WDR1: variants seen among roughly 807,000 people sequenced by gnomAD.
WDR1 encodes the protein WD repeat domain 1.
In WDR1, 21 loss-of-function variants were observed where a neutral mutation model predicts 71.9. That is an observed-to-expected ratio of 0.29 (90% confidence interval 0.21 to 0.42). The LOEUF (loss-of-function observed/expected upper bound fraction) is 0.42, where lower values mean the gene tolerates loss of function less well. Ranked by LOEUF, WDR1 falls within the 10% of genes least tolerant of loss-of-function variation. The probability of loss-of-function intolerance (pLI) is 1.00; values close to 1 mark genes in which losing one functional copy is unlikely to be tolerated. For synonymous variants in WDR1, 424 were observed against 347.4 expected (o/e 1.22, Z -2.45); for missense variants, 696 against 824.5 (o/e 0.84, Z 1.91).
At chr4:10,079,911 C>T (rs577873074) in intron 11 of WDR1, among the ~76,000 whole-genome samples, 8 of 152,328 alleles carry the variant, frequency 5.3e-5, no homozygotes, top group South Asian at 4.1e-4. Context: ...AAGCTTCGTC[C>T]GACATGAGAC....
At chr4:10,101,257 C>A (rs1403216719) in intron 3 of WDR1, among the ~76,000 whole-genome samples, 3 of 152,252 alleles carry the variant, frequency 2.0e-5, no homozygotes, top group Non-Finnish European at 4.4e-5. Context: ...AGGTGCGCAG[C>A]CCTTCCCAAG....
At position 10,112,894 on chromosome 4, in the gene WDR1, C is replaced by T. The variant is rs187156047; in HGVS notation, c.138+3219G>A. ...GCCCTGCTGGCCTGGAGCTGATGCC[C>T]AGTTAGGGGGACAGGCAGATACCTA... is the stretch of plus-strand genomic sequence containing the variant. On this transcript the variant is annotated intron_variant, in intron 2 of 14. Transcript: ENST00000499869. Among the ~76,000 whole-genome samples, 39 of 152,348 alleles carry T rather than the reference C, an allele frequency of 2.6e-4. 1 individual carries two copies. The highest frequency in any genetic ancestry group is 2.4e-3 in the Admixed American group (36 of 15,302).
At position 10,092,830 on chromosome 4, in the gene WDR1, C is replaced by A; in HGVS notation, c.559-4089G>T. 3 of 362,260 alleles carry A rather than the reference C, an allele frequency of 8.3e-6. No individual in the cohort carries two copies. The Admixed American group carries it at 9.8e-5, about 12-fold the overall frequency. 22.4% of individuals were successfully genotyped at this position (362,260 alleles called of 1,614,324 possible). ...AGGGGCAGCAGCTTCCTGAGGCTGC[C>A]CTCACCGGCCCCCTGCCTCTGCCCC... is the stretch of plus-strand genomic sequence containing the variant. On this transcript the variant is annotated intron_variant, in intron 5 of 14. Transcript: ENST00000499869.
intron 14 of WDR1, 84 bp downstream of exon 14, chr4:10,077,220 T>G: frequency 6.4e-7 from 1 of 1,556,528 alleles, no homozygotes; most frequent in Non-Finnish European, 8.7e-7. Flanking sequence ...CCCTGGGGAC[T>G]GAAGCCAGGG....
intron 14 of WDR1, chr4:10,077,058 A>G (rs896831635): frequency 1.8e-5 from 9 of 507,714 alleles, no homozygotes; most frequent in Non-Finnish European, 2.8e-5. Flanking sequence ...GAAGATGTCA[A>G]AAGTGAGGCC....
chr4:10,109,440 T>C (rs1363168403), intron 2 of WDR1, among the ~76,000 whole-genome samples: 1 of 152,246 alleles, frequency 6.6e-6, no homozygotes, highest in Non-Finnish European at 1.5e-5. Context: ...GTTAGTGTGA[T>C]TCTTTAATAC....
In WDR1 at chr4:10,113,129, C is replaced by T. The variant is rs760647180; in HGVS notation, c.138+2984G>A. Reference sequence around the variant, plus strand: ...CAGGACTTTGGGAGGCCAAGGCGAGCGAGCAGATCACTTGAGGTTGGGAGT... The same window carrying T: ...CAGGACTTTGGGAGGCCAAGGCGAGTGAGCAGATCACTTGAGGTTGGGAGT... On this transcript the variant is annotated intron_variant, in intron 2 of 14. Transcript: ENST00000499869. 5.3e-5 allele frequency among the ~76,000 whole-genome samples: 8 copies of T among 152,292 alleles called. No homozygotes were observed. The South Asian group carries it at 8.3e-4, about 16-fold the overall frequency.
rs557546677 is a variant in WDR1 at position 10,075,292 on chromosome 4, G to A, written c.*86C>T. On this transcript the variant is annotated 3_prime_UTR_variant, in exon 15 of 15. Coordinates refer to ENST00000499869, the MANE Select transcript of WDR1 (RefSeq NM_017491.5). ...TGGTGGGGTGGGGGCATGGGGGCGC[G>A]TCACAGAAATAGAGAAATGACATGT... 5.4e-4 allele frequency: 698 copies of A among 1,282,624 alleles called. 1 individual carries two copies. The highest frequency in any genetic ancestry group is 3.6e-3 in the Middle Eastern group (17 of 4,750). 79.5% of individuals were successfully genotyped at this position (1,282,624 alleles called of 1,614,324 possible).
At chr4:10,096,618 T>C (rs986367166) in intron 5 of WDR1, 1 of 152,262 alleles carries the variant, frequency 6.6e-6, no homozygotes, top group Non-Finnish European at 1.5e-5. Flanking sequence ...GAACAGTCTC[T>C]GGAAATTCTG....
intron 1 of WDR1, 182 bp downstream of exon 1, chr4:10,116,469 G>T: frequency 1.4e-6 from 1 of 706,170 alleles, no homozygotes; most frequent in Non-Finnish European, 2.0e-6. Flanking sequence ...ACTTGGGGGC[G>T]CACCCCCCGT....
chr4:10,077,239 G>C, intron 14 of WDR1, 65 bp downstream of exon 14: 1 of 1,598,934 alleles, frequency 6.3e-7, no homozygotes, highest in South Asian at 1.1e-5. Flanking sequence ...GGGACAGCCT[G>C]TGAGGTGGCC....
intron 10 of WDR1, among the ~76,000 whole-genome samples, chr4:10,082,167 T>C (rs1303191080): frequency 2.0e-5 from 3 of 152,152 alleles, no homozygotes; most frequent in Non-Finnish European, 4.4e-5. Context: ...TGGGGCCGCT[T>C]CTGCCACTCA....
In WDR1 at chr4:10,089,466, C is replaced by T. The variant is rs191058500; in HGVS notation, c.559-725G>A. ...CCTTCATCAAGAACAAGAGCCTGAG[C>T]GACTAAAAGGAAATGACATGACTTC... On this transcript the variant is annotated intron_variant, in intron 5 of 14. Transcript: ENST00000499869. 2.0e-4 allele frequency among the ~76,000 whole-genome samples: 30 copies of T among 151,962 alleles called. No homozygotes were observed. The East Asian group carries it at 5.0e-3, about 25-fold the overall frequency.
chr4:10,083,247 T>C (rs1765085246), intron 9 of WDR1, 69 bp from the exon 10 acceptor site: 2 of 1,523,016 alleles, frequency 1.3e-6, no homozygotes, highest in South Asian at 2.5e-5. Flanking sequence ...GCTTCAGTCC[T>C]AAGATTCTCC....
At chr4:10,083,221 G>A (rs753515441) in intron 9 of WDR1, 43 bp from the exon 10 acceptor site, 18 of 1,586,066 alleles carry the variant, frequency 1.1e-5, no homozygotes, top group Non-Finnish European at 1.5e-5. Flanking sequence ...AGGACTGCTG[G>A]GTGTTCTCAG....
At chr4:10,090,832 C>A (rs561375978) in intron 5 of WDR1, among the ~76,000 whole-genome samples, 1 of 152,274 alleles carries the variant, frequency 6.6e-6, no homozygotes. Context: ...ACGTTTCCAT[C>A]CCAGTGGATG....
At chr4:10,106,685 C>T (rs1347834620) in intron 2 of WDR1, 10 of 152,380 alleles carry the variant, frequency 6.6e-5, no homozygotes, top group African/African-American at 2.4e-4. Flanking sequence ...TGTGTAAAAA[C>T]CCCAAAGGGC....
At chr4:10,097,162 C>T (rs565455606) in intron 5 of WDR1, among the ~76,000 whole-genome samples, 1 of 152,390 alleles carries the variant, frequency 6.6e-6, no homozygotes, top group Admixed American at 6.5e-5. Context: ...AGGCGGGGCG[C>T]ATGCACGGCA....
chr4:10,110,307 G>A (rs986252016), intron 2 of WDR1, among the ~76,000 whole-genome samples: 1 of 152,228 alleles, frequency 6.6e-6, no homozygotes, highest in Non-Finnish European at 1.5e-5. Flanking sequence ...CAAGGGCCTT[G>A]CAGAAGGTGG....
Sources: gnomAD v4.1 joint callset for allele counts (sites outside exome capture counted in the v4.1 genomes callset) on GRCh38, gnomAD v4.1.1 for gene constraint, MANE v1.5 for transcripts, NCBI Gene and HGNC (gene_info 2026-07-23, HGNC 2026-07-21) for gene names.